Variants in TBL1XR1 observed in about 807,000 individuals in gnomAD.
The protein encoded by TBL1XR1 is F-box-like/WD repeat-containing protein TBL1XR1.
Under a neutral mutation model 66.9 loss-of-function variants are expected in TBL1XR1, and 5 were observed. The ratio of observed to expected loss-of-function variants is 0.07; its 90% CI spans 0.04 to 0.16. The LOEUF (loss-of-function observed/expected upper bound fraction) is 0.16, where lower values mean the gene tolerates loss of function less well. Among genes scored for constraint, TBL1XR1 ranks in the 10% least tolerant of loss-of-function variants. TBL1XR1 has a pLI of 1.00. For synonymous variants in TBL1XR1, 210 were observed against 206.0 expected, an observed-to-expected ratio of 1.02 and a Z score of -0.17; for missense variants, 238 against 623.2, an observed-to-expected ratio of 0.38 and a Z score of 6.58.
intron 1 of TBL1XR1, among the ~76,000 whole-genome samples, chr3:177,181,110 C>T (rs1734767793): frequency 6.6e-6 from 1 of 152,148 alleles, no homozygotes; most frequent in Non-Finnish European, 1.5e-5. Flanking sequence ...TCTGACAACT[C>T]GGTGTTGCCA....
intron 1 of TBL1XR1, among the ~76,000 whole-genome samples, chr3:177,156,670 T>C (rs185543580): frequency 1.3e-5 from 2 of 151,932 alleles, no homozygotes; most frequent in Non-Finnish European, 2.9e-5. Flanking sequence ...GACCCAAATT[T>C]TCAAAGGAGC....
chr3:177,158,943 G>A (rs1034632455), intron 1 of TBL1XR1, among the ~76,000 whole-genome samples: 2 of 152,078 alleles, frequency 1.3e-5, no homozygotes, highest in Non-Finnish European at 2.9e-5. Flanking sequence ...CTAAATGGAC[G>A]TATTTTCCCA....
At chr3:177,058,921 T>C (rs1383632105) in intron 3 of TBL1XR1, among the ~76,000 whole-genome samples, 2 of 152,246 alleles carry the variant, frequency 1.3e-5, no homozygotes, top group South Asian at 2.1e-4. Flanking sequence ...AAAAACTTAT[T>C]TGGGAAAAAA....
intron 1 of TBL1XR1, among the ~76,000 whole-genome samples, chr3:177,124,935 G>C (rs1287055061): frequency 6.6e-6 from 1 of 151,522 alleles, no homozygotes; most frequent in Non-Finnish European, 1.5e-5. Context: ...TCACAAACTG[G>C]GTTATAGAAC....
intron 1 of TBL1XR1, among the ~76,000 whole-genome samples, chr3:177,102,834 C>A (rs1031089554): frequency 2.0e-5 from 3 of 152,150 alleles, no homozygotes; most frequent in South Asian, 4.1e-4. Context: ...TAATTATCCA[C>A]CCCACCATCC....
At chr3:177,072,569 T>C (rs1720165029) in intron 2 of TBL1XR1, among the ~76,000 whole-genome samples, 2 of 152,212 alleles carry the variant, frequency 1.3e-5, no homozygotes, top group South Asian at 4.1e-4. Context: ...CTTTTTAATA[T>C]GCTGTGTGTG....
At chr3:177,115,700 T>C (rs1016899409) in intron 1 of TBL1XR1, among the ~76,000 whole-genome samples, 2 of 152,226 alleles carry the variant, frequency 1.3e-5, no homozygotes, top group African/African-American at 4.8e-5. Context: ...CATCATTGGA[T>C]ATCTAAAATT....
At chr3:177,037,724 C>T (rs1239183638) in intron 12 of TBL1XR1, 1 of 169,294 alleles carries the variant, frequency 5.9e-6, no homozygotes, top group African/African-American at 2.4e-5. Context: ...GACTGTGGGA[C>T]TTCTCAGCCT....
intron 1 of TBL1XR1, among the ~76,000 whole-genome samples, chr3:177,187,801 A>G (rs1188740980): frequency 6.6e-6 from 1 of 152,054 alleles, no homozygotes; most frequent in Non-Finnish European, 1.5e-5. Flanking sequence ...ATCCGATCTC[A>G]GACAAAATAC....
At chr3:177,081,859 T>C (rs980072770) in intron 2 of TBL1XR1, among the ~76,000 whole-genome samples, 7 of 152,058 alleles carry the variant, frequency 4.6e-5, no homozygotes, top group Non-Finnish European at 7.4e-5. Flanking sequence ...TAATATACAA[T>C]ATAAAATTTA....
At chr3:177,171,639 C>T (rs1413329466) in intron 1 of TBL1XR1, among the ~76,000 whole-genome samples, 1 of 132,712 alleles carries the variant, frequency 7.5e-6, no homozygotes, top group African/African-American at 2.8e-5. Flanking sequence ...GGAGGCGGAG[C>T]TTGCAGTAAG....
rs1211196143 is a variant in TBL1XR1, at chr3:177,021,674, G to C, written c.*3824C>G. The C allele has an allele frequency of 6.6e-6, 1 of 152,542 alleles. No homozygotes were observed. Among genetic ancestry groups the C allele is most frequent in the Non-Finnish European group, 1.5e-5 (1 of 67,978 alleles). The allele number at this position is 152,542 out of a possible 1,614,324, so 9.4% of individuals were successfully genotyped here. ...TTCAGGAGAAGGGGGAAAAAACAAAGAAAACAAAACGAAAAACCAACCAGG... is the reference window on the plus strand; with the variant it reads ...TTCAGGAGAAGGGGGAAAAAACAAACAAAACAAAACGAAAAACCAACCAGG... On this transcript the variant is annotated 3_prime_UTR_variant, in exon 16 of 16. Transcript: ENST00000457928.
chr3:177,104,745 T>C (rs1351228468), intron 1 of TBL1XR1, among the ~76,000 whole-genome samples: 1 of 152,254 alleles, frequency 6.6e-6, no homozygotes, highest in Non-Finnish European at 1.5e-5. Context: ...AAACATGCAC[T>C]GGTGTCTAAT....
At chr3:177,156,199 A>G (rs1731481961) in intron 1 of TBL1XR1, among the ~76,000 whole-genome samples, 1 of 146,806 alleles carries the variant, frequency 6.8e-6, no homozygotes, top group African/African-American at 2.5e-5. Flanking sequence ...CACGAAAGGA[A>G]TGAAAAATCA....
At position 177,145,097 on chromosome 3, in the gene TBL1XR1, C is replaced by A. The variant is rs577160544; in HGVS notation, c.-121-46556G>T. Among the ~76,000 whole-genome samples the A allele has an allele frequency of 2.6e-4, 39 of 152,236 alleles. No homozygotes were observed. The South Asian group carries it at 7.9e-3, about 31-fold the overall frequency. On this transcript the variant is annotated intron_variant, in intron 1 of 15. Transcript: ENST00000457928. ...TTCAAGTGGTACCAGGCAAGCTTAA[C>A]GAACAGGAACCTAGTGGTTATCAAA...
At chr3:177,096,845 T>C (rs1723557129) in intron 2 of TBL1XR1, among the ~76,000 whole-genome samples, 1 of 152,166 alleles carries the variant, frequency 6.6e-6, no homozygotes, top group Non-Finnish European at 1.5e-5. Flanking sequence ...TGCCATCCTT[T>C]GTGCTAGGTA....
At chr3:177,063,358 T>C (rs963231022) in intron 3 of TBL1XR1, among the ~76,000 whole-genome samples, 15 of 152,220 alleles carry the variant, frequency 9.9e-5, no homozygotes, top group Admixed American at 9.8e-4. Context: ...AGTAATTTTA[T>C]ATGGCTCAAC....
intron 1 of TBL1XR1, among the ~76,000 whole-genome samples, chr3:177,154,268 G>A (rs922077193): frequency 1.3e-5 from 2 of 151,982 alleles, no homozygotes; most frequent in Admixed American, 1.3e-4. Flanking sequence ...TATCAAACAA[G>A]GTACTCTAGA....
At chr3:177,072,746 G>A (rs1324493230) in intron 2 of TBL1XR1, among the ~76,000 whole-genome samples, 1 of 152,194 alleles carries the variant, frequency 6.6e-6, no homozygotes, top group Non-Finnish European at 1.5e-5. Context: ...TTCAGACTGG[G>A]GATTTGGCAG....
Sources: gnomAD v4.1 joint callset for allele counts (sites outside exome capture counted in the v4.1 genomes callset) on GRCh38, gnomAD v4.1.1 for gene constraint, MANE v1.5 for transcripts, NCBI Gene and HGNC (gene_info 2026-07-23, HGNC 2026-07-21) for gene names.